NUP210L: variants seen among roughly 807,000 people sequenced by gnomAD.
The protein encoded by NUP210L is nucleoporin 210 like.
A neutral mutation model predicts 208.5 loss-of-function variants in NUP210L; 74 were observed. The ratio of observed to expected loss-of-function variants is 0.35; its 90% CI spans 0.29 to 0.43. The LOEUF (loss-of-function observed/expected upper bound fraction) is 0.43, where lower values mean the gene tolerates loss of function less well. NUP210L is among the 20% of genes least tolerant of loss of function. The probability of loss-of-function intolerance (pLI) is 1.00; values close to 1 mark genes in which losing one functional copy is unlikely to be tolerated. For synonymous variants in NUP210L, 780 were observed against 816.9 expected, an observed-to-expected ratio of 0.95 and a Z score of 0.77; for missense variants, 1,843 against 2,289.4, an observed-to-expected ratio of 0.81 and a Z score of 3.98.
intron 16 of NUP210L, among the ~76,000 whole-genome samples, chr1:154,083,145 G>C (rs757187809): frequency 1.3e-5 from 2 of 152,136 alleles, no homozygotes; most frequent in Non-Finnish European, 2.9e-5. Context: ...CTGTCGGCTC[G>C]GTGGCCAGCT....
intron 12 of NUP210L, among the ~76,000 whole-genome samples, chr1:154,105,767 C>T (rs1220154443): frequency 6.6e-6 from 1 of 152,108 alleles, no homozygotes; most frequent in African/African-American, 2.4e-5. Context: ...TCCTGGATGG[C>T]ATTTTTGGAC....
chr1:154,047,231 A>T (rs1653235365), intron 25 of NUP210L, among the ~76,000 whole-genome samples: 1 of 152,216 alleles, frequency 6.6e-6, no homozygotes, highest in Non-Finnish European at 1.5e-5. Flanking sequence ...TTGTTTATTT[A>T]AAAATAACTA....
At position 154,099,364 on chromosome 1, in the gene NUP210L, T is replaced by C. The variant is rs549386789; in HGVS notation, c.1965+634A>G. On this transcript the variant is annotated intron_variant, in intron 14 of 39. Coordinates refer to ENST00000368559, the Ensembl canonical transcript of NUP210L. ...GGGCTCCTGGGGCTCCCACTTGGCG[T>C]CGGTTCCAAACGGCTCCACGGAGTG... Among the ~76,000 whole-genome samples the C allele has an allele frequency of 4.1e-4, 62 of 152,208 alleles. 1 individual carries two copies. The South Asian group carries it at 0.012, about 31-fold the overall frequency.
chr1:154,119,359 G>A (rs1019334979), intron 10 of NUP210L, among the ~76,000 whole-genome samples: 1 of 151,986 alleles, frequency 6.6e-6, no homozygotes, highest in Non-Finnish European at 1.5e-5. Flanking sequence ...AGGACGAGGT[G>A]GGTGGACCAC....
In NUP210L at chr1:154,017,305, G is replaced by A. The variant is rs994313067; in HGVS notation, c.4653+1628C>T. On this transcript the variant is annotated intron_variant, in intron 33 of 39. Coordinates refer to ENST00000368559, the Ensembl canonical transcript of NUP210L. ...CCAACAAAAAAAAAAAAAGGGGGGG[G>A]CTCAGGTCACTTTGCTGAAGCTACT... Among the ~76,000 whole-genome samples, 4 of 148,142 alleles carry A rather than the reference G, an allele frequency of 2.7e-5. No individual in the cohort carries two copies. In the Admixed American group the frequency reaches 2.8e-4, roughly 10 times the overall value.
exon 25 of NUP210L, chr1:154,054,251 C>T: frequency 1.2e-6 from 2 of 1,614,156 alleles, no homozygotes; most frequent in Middle Eastern, 3.3e-4. Context: ...ATGACTTTGC[C>T]AGTATCTTCA....
intron 37 of NUP210L, among the ~76,000 whole-genome samples, chr1:153,999,776 T>C (rs543062330): frequency 1.7e-5 from 2 of 119,378 alleles, no homozygotes; most frequent in African/African-American, 6.2e-5. Flanking sequence ...ATAGGGCAAA[T>C]AGTATACTTA....
intron 17 of NUP210L, among the ~76,000 whole-genome samples, chr1:154,063,743 T>C (rs1440721112): frequency 6.6e-6 from 1 of 152,036 alleles, no homozygotes; most frequent in African/African-American, 2.4e-5. Context: ...GTGTATAAAG[T>C]AGTTAGTGCA....
chr1:154,046,579 A>G (rs1306631954), intron 25 of NUP210L, among the ~76,000 whole-genome samples: 1 of 152,260 alleles, frequency 6.6e-6, no homozygotes, highest in Non-Finnish European at 1.5e-5. Flanking sequence ...TGTGGTACAT[A>G]TGTACAACAG....
intron 15 of NUP210L, among the ~76,000 whole-genome samples, chr1:154,093,214 A>C (rs1352247910): frequency 2.0e-5 from 3 of 152,160 alleles, no homozygotes; most frequent in Non-Finnish European, 4.4e-5. Context: ...AGATCACCTG[A>C]GGTCAGGAGT....
intron 27 of NUP210L, among the ~76,000 whole-genome samples, chr1:154,030,655 T>C (rs1231959069): frequency 3.3e-5 from 5 of 152,278 alleles, no homozygotes; most frequent in African/African-American, 1.2e-4. Flanking sequence ...GATACTTTGA[T>C]ACAGGCATAG....
At chr1:154,053,922 T>A (rs1653667657) in intron 25 of NUP210L, among the ~76,000 whole-genome samples, 1 of 152,216 alleles carries the variant, frequency 6.6e-6, no homozygotes, top group Admixed American at 6.5e-5. Context: ...ATGTACCCCA[T>A]AAATACATAT....
chr1:154,139,975 G>A (rs1323965714), intron 4 of NUP210L, 23 bp from the exon 5 acceptor site: 3 of 1,579,396 alleles, frequency 1.9e-6, no homozygotes, highest in Non-Finnish European at 2.6e-6. Flanking sequence ...AATAAAATGT[G>A]TTTCTAGCAG....
In NUP210L at chr1:154,089,015, C is replaced by T. The variant is rs140140074; in HGVS notation, c.2361+406G>A. On this transcript the variant is annotated intron_variant, in intron 16 of 39. Coordinates refer to ENST00000368559, the Ensembl canonical transcript of NUP210L. Reference sequence around the variant, plus strand: ...ATATTGTTAATAAAAGATTTGGTAGCGAAGGATATCAGCAAAATTTGGAAG... The same window carrying T: ...ATATTGTTAATAAAAGATTTGGTAGTGAAGGATATCAGCAAAATTTGGAAG... 4.9e-4 allele frequency among the ~76,000 whole-genome samples: 74 copies of T among 152,038 alleles called. 1 individual carries two copies. In the East Asian group the frequency reaches 0.014, roughly 28 times the overall value.
intron 35 of NUP210L, among the ~76,000 whole-genome samples, chr1:154,006,966 A>ATATATATATATATATT (rs1211789619): frequency 1.7e-5 from 2 of 115,806 alleles, no homozygotes; most frequent in African/African-American, 6.6e-5. Flanking sequence ...ATATATATAT[A>ATATATATATATATATT]TTTTTTTTTT....
intron 27 of NUP210L, among the ~76,000 whole-genome samples, chr1:154,042,323 G>C (rs1008774735): frequency 2.6e-5 from 4 of 151,650 alleles, no homozygotes; most frequent in Admixed American, 2.6e-4. Context: ...GGCTGGTCTT[G>C]AACTCCTGAG....
intron 1 of NUP210L, among the ~76,000 whole-genome samples, 166 bp from the exon 2 acceptor site, chr1:154,153,038 AT>A (rs1467198252): frequency 6.6e-6 from 1 of 152,186 alleles, no homozygotes; most frequent in Non-Finnish European, 1.5e-5. Context: ...AAACTGAGAG[AT>A]TGATGAGAAC....
intron 12 of NUP210L, among the ~76,000 whole-genome samples, chr1:154,116,328 G>A (rs1241175091): frequency 6.6e-6 from 1 of 151,768 alleles, no homozygotes; most frequent in African/African-American, 2.4e-5. Flanking sequence ...GGAGGCTGAG[G>A]CAGGAGAATT....
chr1:154,054,498 T>G (rs1339564034), intron 24 of NUP210L, 91 bp from the exon 25 acceptor site: 9 of 1,220,406 alleles, frequency 7.4e-6, no homozygotes, highest in Non-Finnish European at 1.1e-5. Context: ...CTTGACTTCT[T>G]CATCTTCCCC....
Sources: gnomAD v4.1 joint callset for allele counts (sites outside exome capture counted in the v4.1 genomes callset) on GRCh38, gnomAD v4.1.1 for gene constraint, MANE v1.5 for transcripts, NCBI Gene and HGNC (gene_info 2026-07-23, HGNC 2026-07-21) for gene names.